LINGO2: variants seen among roughly 807,000 people sequenced by gnomAD.
LINGO2 encodes leucine rich repeat and Ig domain containing 2, also known as leucine-rich repeat and immunoglobulin-like domain-containing nogo receptor-interacting protein 2.
Under a neutral mutation model 30.6 loss-of-function variants are expected in LINGO2, and 14 were observed. That is an observed-to-expected ratio of 0.46 (90% confidence interval 0.30 to 0.72). The LOEUF (loss-of-function observed/expected upper bound fraction) is 0.72, where lower values mean the gene tolerates loss of function less well. Ranked by LOEUF, LINGO2 falls within the 30% of genes least tolerant of loss-of-function variation. The pLI, the probability that LINGO2 is intolerant of heterozygous loss-of-function variation, is 0.07. For missense variants in LINGO2, 729 were observed against 751.7 expected (o/e 0.97, Z 0.35); for synonymous variants, 317 against 288.5 (o/e 1.10, Z -1.00).
intron 3 of LINGO2, among the ~76,000 whole-genome samples, chr9:28,355,241 C>G (rs1301401050): frequency 7.3e-6 from 1 of 136,136 alleles, no homozygotes; most frequent in East Asian, 2.8e-4. Flanking sequence ...CTATCTCTCT[C>G]TGTCTCTCTC....
chr9:28,196,244 T>C (rs1820004619), intron 4 of LINGO2, among the ~76,000 whole-genome samples: 1 of 151,618 alleles, frequency 6.6e-6, no homozygotes, highest in African/African-American at 2.4e-5. Context: ...AACTATTTAA[T>C]ATTGACCTAG....
chr9:29,077,924 A>G, the LINGO2 span, among the ~76,000 whole-genome samples: 1 of 152,026 alleles, frequency 6.6e-6, no homozygotes, highest in Non-Finnish European at 1.5e-5. Context: ...ATTGGAATTA[A>G]GAATTAAGAA....
At chr9:28,224,252 G>C (rs977715711) in intron 4 of LINGO2, among the ~76,000 whole-genome samples, 1 of 152,160 alleles carries the variant, frequency 6.6e-6, no homozygotes, top group South Asian at 2.1e-4. Flanking sequence ...TTTTAGTAGA[G>C]ACGGGGTTTC....
chr9:28,757,914 C>A, the LINGO2 span, among the ~76,000 whole-genome samples: 3 of 151,958 alleles, frequency 2.0e-5, no homozygotes, highest in South Asian at 6.2e-4. Context: ...TACTTTTTGC[C>A]CTGGGCTATA....
intron 2 of LINGO2, among the ~76,000 whole-genome samples, chr9:28,474,777 G>A (rs1587722568): frequency 6.6e-6 from 1 of 152,150 alleles, no homozygotes; most frequent in East Asian, 1.9e-4. Flanking sequence ...ATGGTCAGCT[G>A]TCACCTGTCT....
At chr9:29,128,667 C>A in the LINGO2 span, among the ~76,000 whole-genome samples, 3 of 152,182 alleles carry the variant, frequency 2.0e-5, no homozygotes, top group East Asian at 5.8e-4. Context: ...AATTTTGGTT[C>A]ACAGCCTTCA....
chr9:28,255,498 G>A (rs78986031), intron 4 of LINGO2, among the ~76,000 whole-genome samples: 2,596 of 152,144 alleles, frequency 0.017, 35 homozygotes, highest in South Asian at 0.057. Flanking sequence ...ATAAAGTAGG[G>A]ATACTGTTGG....
In LINGO2 at chr9:27,990,326, T is replaced by C. The variant is rs1821331198; in HGVS notation, c.-36+22029A>G. On this transcript the variant is annotated intron_variant, in intron 5 of 5. Coordinates refer to ENST00000379992, the Ensembl canonical transcript of LINGO2. ...ATTAAATATCTGTTCATGATTTCTGTATATATTATCATCACTCTTATTTAA... is the reference window on the plus strand; with the variant it reads ...ATTAAATATCTGTTCATGATTTCTGCATATATTATCATCACTCTTATTTAA... Among the ~76,000 whole-genome samples the C allele has an allele frequency of 2.0e-5, 3 of 152,030 alleles. No individual in the cohort carries two copies. The South Asian group carries it at 6.2e-4, about 31-fold the overall frequency.
At chr9:28,503,649 G>C (rs1405086458) in intron 1 of LINGO2, among the ~76,000 whole-genome samples, 1 of 151,896 alleles carries the variant, frequency 6.6e-6, no homozygotes, top group Non-Finnish European at 1.5e-5. Context: ...ATTAATATTT[G>C]TTTTATATAA....
intron 2 of LINGO2, among the ~76,000 whole-genome samples, chr9:28,461,243 G>A (rs1056326059): frequency 2.6e-5 from 4 of 151,934 alleles, no homozygotes; most frequent in African/African-American, 4.8e-5. Context: ...ATACAATATC[G>A]AGATAATAAG....
chr9:28,006,122 C>G (rs1198828815), intron 5 of LINGO2, among the ~76,000 whole-genome samples: 2 of 151,824 alleles, frequency 1.3e-5, no homozygotes, highest in Admixed American at 6.6e-5. Context: ...GCTTTGCTAC[C>G]CATGCAAAGC....
chr9:28,292,025 G>T (rs74866624), intron 4 of LINGO2, among the ~76,000 whole-genome samples: 3 of 131,414 alleles, frequency 2.3e-5, no homozygotes. Flanking sequence ...AAGTGCTTAT[G>T]GGGGAAGAAA....
At chr9:29,189,594 C>T in the LINGO2 span, among the ~76,000 whole-genome samples, 1 of 152,074 alleles carries the variant, frequency 6.6e-6, no homozygotes, top group East Asian at 2.0e-4. Flanking sequence ...AGAGACGCTC[C>T]TCACTTCCCA....
At chr9:28,407,998 A>AGAGG (rs1276936412) in intron 2 of LINGO2, among the ~76,000 whole-genome samples, 2 of 152,064 alleles carry the variant, frequency 1.3e-5, no homozygotes, top group South Asian at 2.1e-4. Context: ...GAGTACAGCG[A>AGAGG]GAGGGAGGGA....
chr9:28,732,509 C>T, the LINGO2 span, among the ~76,000 whole-genome samples: 24 of 151,332 alleles, frequency 1.6e-4, no homozygotes, highest in South Asian at 8.4e-4. Context: ...AAATAGAATA[C>T]GATAAAATTG....
intron 1 of LINGO2, among the ~76,000 whole-genome samples, chr9:28,610,337 GA>G (rs35560869): frequency 0.43 from 65,557 of 151,886 alleles, 14,848 homozygotes; most frequent in African/African-American, 0.55. Flanking sequence ...TTTGAAAACT[GA>G]AAAAGCAATT....
At chr9:28,772,711 A>G in the LINGO2 span, among the ~76,000 whole-genome samples, 3 of 152,228 alleles carry the variant, frequency 2.0e-5, no homozygotes, top group South Asian at 4.1e-4. Context: ...TAAGCAAGAC[A>G]GCAGCACTCT....
chr9:29,160,860 C>A, the LINGO2 span, among the ~76,000 whole-genome samples: 1 of 152,176 alleles, frequency 6.6e-6, no homozygotes, highest in African/African-American at 2.4e-5. Context: ...GTTTAAGGTG[C>A]CAGGCGCATA....
At chr9:29,208,949 C>T in the LINGO2 span, among the ~76,000 whole-genome samples, 1 of 152,094 alleles carries the variant, frequency 6.6e-6, no homozygotes, top group East Asian at 1.9e-4. Flanking sequence ...AGAATAGATA[C>T]AGCAACTGTA....
Sources: gnomAD v4.1 joint callset for allele counts (sites outside exome capture counted in the v4.1 genomes callset) on GRCh38, gnomAD v4.1.1 for gene constraint, MANE v1.5 for transcripts, NCBI Gene and HGNC (gene_info 2026-07-23, HGNC 2026-07-21) for gene names.